Variants in CCDC175 observed in about 807,000 individuals in gnomAD.
The protein encoded by CCDC175 is coiled-coil domain-containing protein 175.
A neutral mutation model predicts 114.6 loss-of-function variants in CCDC175; 100 were observed. That is an observed-to-expected ratio of 0.87 (90% confidence interval 0.74 to 1.03). CCDC175 has a LOEUF of 1.03. Ranked by LOEUF, CCDC175 falls within the 50% of genes least tolerant of loss-of-function variation. The pLI, the probability that CCDC175 is intolerant of heterozygous loss-of-function variation, is 0.00. For missense variants in CCDC175, 880 were observed against 917.8 expected, an observed-to-expected ratio of 0.96 and a Z score of 0.53; for synonymous variants, 306 against 308.7, an observed-to-expected ratio of 0.99 and a Z score of 0.09.
rs1566644395 is a variant in CCDC175, at chr14:59,575,020, G to C, written c.166C>G (p.Leu56Val). 6.7e-7 allele frequency: 1 copy of C among 1,485,672 alleles called. No homozygotes were observed. Among genetic ancestry groups the C allele is most frequent in the Non-Finnish European group, 8.9e-7 (1 of 1,117,376 alleles). The allele number at this position is 1,485,672 out of a possible 1,614,324, so 92.0% of individuals were successfully genotyped here. A position where few individuals can be genotyped will look rare whatever the true frequency, so the allele number is the denominator to read the frequency against. The part of the protein sequence containing the change: ...LEQLFVVEQS[L>V]QSDYFKCNEE... ...TTACATTTAAAATAGTCACTTTGCAGTGATTGTTCTGAAAAAAAAATTAGA... is the reference window on the plus strand; with the variant it reads ...TTACATTTAAAATAGTCACTTTGCACTGATTGTTCTGAAAAAAAAATTAGA... Residue 56 changes from leucine (L) to valine (V), a missense_variant, in exon 2 of 20, where the codon CTG becomes GTG. Physicochemically the swap from Leu to Val is conservative, Grantham distance 32 (BLOSUM62 1). Transcript: ENST00000537690.
chr14:59,549,933 A>G (rs1304349850), intron 8 of CCDC175, among the ~76,000 whole-genome samples: 1 of 151,770 alleles, frequency 6.6e-6, no homozygotes, highest in African/African-American at 2.4e-5. Context: ...TCTTTTTTAG[A>G]GGGACTCTTG....
At position 59,568,370 on chromosome 14, in the gene CCDC175, T is replaced by A. The variant is rs1896671951; in HGVS notation, c.366A>T (p.Arg122=). 6.6e-7 allele frequency: 1 copy of A among 1,514,252 alleles called. No homozygotes were observed. The allele number at this position is 1,514,252 out of a possible 1,614,324, so 93.8% of individuals were successfully genotyped here. The change falls in exon 4 of 20, where the codon CGA becomes CGT. Residue 122 remains arginine (R), a synonymous_variant. Coordinates refer to ENST00000537690, the MANE Select transcript of CCDC175 (RefSeq NM_001164399.2). ...SIKRELEECV[R]DARRLNLFEI... is the part of the protein sequence containing the mutation. ...CAAAAAGATTTAATCTGCGAGCGTC[T>A]CGGACACATTCTTCAAAGTAAGTGG...
chr14:59,523,390 T>G (rs1893535018), intron 16 of CCDC175, among the ~76,000 whole-genome samples: 1 of 152,118 alleles, frequency 6.6e-6, no homozygotes, highest in Non-Finnish European at 1.5e-5. Flanking sequence ...ATGAAAAAAA[T>G]TACCCAGCGA....
chr14:59,514,680 CT>C (rs1892962938), intron 17 of CCDC175, among the ~76,000 whole-genome samples: 1 of 152,166 alleles, frequency 6.6e-6, no homozygotes, highest in Admixed American at 6.5e-5. Flanking sequence ...AAGACCAAAT[CT>C]ACGTCTGATT....
intron 11 of CCDC175, among the ~76,000 whole-genome samples, chr14:59,539,749 A>G (rs1411748311): frequency 1.3e-5 from 2 of 152,124 alleles, no homozygotes; most frequent in Non-Finnish European, 2.9e-5. Context: ...CCCCATCTCT[A>G]CTAAAAATAC....
rs1054155247 is a variant in CCDC175 at position 59,543,390 on chromosome 14, T to C, written c.1237A>G (p.Ile413Val). Residue 413 changes from isoleucine to valine, a missense_variant, in exon 10 of 20, where the codon ATC becomes GTC. Transcript: ENST00000537690. Reference sequence around the variant, plus strand: ...ATGAGTCCTTCTTCCATATTTTTGATGTCTACTCTCTTTTGTGACAGAAAG... The same window carrying C: ...ATGAGTCCTTCTTCCATATTTTTGACGTCTACTCTCTTTTGTGACAGAAAG... ...EYFLSQKRVD[I>V]KNMEEGLITL... 1.8e-5 allele frequency: 26 copies of C among 1,482,768 alleles called. No individual in the cohort carries two copies. The Admixed American group carries it at 5.7e-4, about 32-fold the overall frequency. The allele number at this position is 1,482,768 out of a possible 1,614,324, so 91.9% of individuals were successfully genotyped here. A position where few individuals can be genotyped will look rare whatever the true frequency, so the allele number is the denominator to read the frequency against.
At chr14:59,507,242 T>A (rs528243831) in intron 19 of CCDC175, among the ~76,000 whole-genome samples, 1 of 152,366 alleles carries the variant, frequency 6.6e-6, no homozygotes, top group South Asian at 2.1e-4. Flanking sequence ...ATGTCTGTGC[T>A]TCTCCTTTGG....
At chr14:59,517,830 C>A (rs1239354648) in intron 17 of CCDC175, among the ~76,000 whole-genome samples, 1 of 152,200 alleles carries the variant, frequency 6.6e-6, no homozygotes, top group African/African-American at 2.4e-5. Flanking sequence ...CTTTAAAGTT[C>A]ATATGGAACC....
intron 17 of CCDC175, among the ~76,000 whole-genome samples, chr14:59,518,904 A>T (rs904894284): frequency 6.6e-6 from 1 of 152,206 alleles, no homozygotes; most frequent in Non-Finnish European, 1.5e-5. Context: ...AATAGCAAAG[A>T]CTTGGAACCA....
intron 6 of CCDC175, among the ~76,000 whole-genome samples, chr14:59,561,963 T>C (rs754311259): frequency 1.3e-5 from 2 of 152,188 alleles, no homozygotes; most frequent in African/African-American, 2.4e-5. Flanking sequence ...TGGACAGCAA[T>C]GTGGGATCAG....
chr14:59,549,992 C>A (rs906404668), intron 8 of CCDC175, among the ~76,000 whole-genome samples: 3 of 152,142 alleles, frequency 2.0e-5, no homozygotes, highest in African/African-American at 7.2e-5. Context: ...CTCACTGCAA[C>A]CTCTGTCTCC....
chr14:59,553,162 T>C (rs1368695393), intron 7 of CCDC175, among the ~76,000 whole-genome samples: 1 of 152,038 alleles, frequency 6.6e-6, no homozygotes, highest in Non-Finnish European at 1.5e-5. Context: ...CACATAATTG[T>C]CAGATTCACC....
In CCDC175 at chr14:59,538,838, A is replaced by C; in HGVS notation, c.1358T>G (p.Val453Gly). 5 of 1,530,536 alleles carry C rather than the reference A, an allele frequency of 3.3e-6. No homozygotes were observed. Among genetic ancestry groups the C allele is most frequent in the Non-Finnish European group, 4.4e-6 (5 of 1,145,156 alleles). The allele number at this position is 1,530,536 out of a possible 1,614,324, so 94.8% of individuals were successfully genotyped here. A position where few individuals can be genotyped will look rare whatever the true frequency, so the allele number is the denominator to read the frequency against. Residue 453 changes from valine (V) to glycine (G), a missense_variant and splice_region_variant, in exon 12 of 20, where the codon GTT (valine) becomes GGT (glycine). Transcript: ENST00000537690. ...ANLERESQRC[V>G]ITQWKMACLR... ...GCAAGCCATTTTCCACTGAGTTATA[A>C]CACTAGAGATTAGAGCAAAAAGAAT...
At chr14:59,515,949 G>C (rs528706610) in intron 17 of CCDC175, among the ~76,000 whole-genome samples, 1 of 152,170 alleles carries the variant, frequency 6.6e-6, no homozygotes, top group Non-Finnish European at 1.5e-5. Flanking sequence ...TAAAAGAACA[G>C]AAATTATAAC....
At chr14:59,538,952 G>A (rs1894585053) in intron 11 of CCDC175, 112 bp from the exon 12 acceptor site, 2 of 969,372 alleles carry the variant, frequency 2.1e-6, no homozygotes, top group African/African-American at 1.7e-5. Flanking sequence ...AATTGTTTGT[G>A]CTATTAGTGT....
At chr14:59,516,183 A>T (rs1040901215) in intron 17 of CCDC175, among the ~76,000 whole-genome samples, 7 of 152,142 alleles carry the variant, frequency 4.6e-5, no homozygotes. Flanking sequence ...TAGAGGGAAA[A>T]TTATAGCACT....
intron 17 of CCDC175, 66 bp from the exon 18 acceptor site, chr14:59,511,869 G>T: frequency 8.3e-7 from 1 of 1,201,876 alleles, no homozygotes; most frequent in Non-Finnish European, 1.2e-6. Context: ...TAAAAGTCGT[G>T]TTATTCATTT....
chr14:59,574,908 G>T, intron 2 of CCDC175, 35 bp downstream of exon 2: 2 of 1,117,702 alleles, frequency 1.8e-6, no homozygotes, highest in Non-Finnish European at 2.6e-6. Context: ...ATATGTGGAA[G>T]ATTGAAGAAA....
At chr14:59,544,940 C>G (rs1467042003) in intron 9 of CCDC175, among the ~76,000 whole-genome samples, 1 of 152,150 alleles carries the variant, frequency 6.6e-6, no homozygotes, top group Non-Finnish European at 1.5e-5. Flanking sequence ...CCTCCAGAAC[C>G]GTGAGAAAAT....
Sources: allele counts gnomAD v4.1 joint callset (sites outside exome capture counted in the v4.1 genomes callset), GRCh38; gene constraint gnomAD v4.1.1; transcripts MANE v1.5; gene names NCBI Gene and HGNC (gene_info 2026-07-23, HGNC 2026-07-21).